Variants in HDHD5 observed in about 807,000 individuals in gnomAD.
HDHD5 encodes haloacid dehalogenase like hydrolase domain containing 5, also known as haloacid dehalogenase-like hydrolase domain-containing 5.
HDHD5 carries 34 observed loss-of-function variants against 35.5 expected under a neutral mutation model. The ratio of observed to expected loss-of-function variants is 0.96; its 90% confidence interval spans 0.73 to 1.28. HDHD5 has a LOEUF of 1.28. Ranked by LOEUF, HDHD5 falls within the 50% of genes most tolerant of loss-of-function variation. HDHD5 has a pLI of 0.00. For missense variants in HDHD5, 589 were observed against 560.2 expected (o/e 1.05, Z -0.52); for synonymous variants, 248 against 240.6 (o/e 1.03, Z -0.29).
At chr22:17,154,067 C>T (rs1019403457) in intron 1 of HDHD5, among the ~76,000 whole-genome samples, 2 of 151,714 alleles carry the variant, frequency 1.3e-5, no homozygotes, top group Admixed American at 6.6e-5. Flanking sequence ...TTAGTCTTGT[C>T]TCAAAGCTGG....
intron 3 of HDHD5, among the ~76,000 whole-genome samples, chr22:17,147,535 T>G (rs1207458920): frequency 7.5e-6 from 1 of 132,524 alleles, no homozygotes; most frequent in African/African-American, 2.9e-5. Flanking sequence ...CCCACACCTG[T>G]GGCACACTCC....
chr22:17,156,164 T>C (rs2061787708), intron 1 of HDHD5, among the ~76,000 whole-genome samples: 1 of 152,196 alleles, frequency 6.6e-6, no homozygotes, highest in South Asian at 2.1e-4. Context: ...TTATCGCAGA[T>C]GACAGTTCCA....
chr22:17,140,212 G>A (rs2061584209), intron 6 of HDHD5, among the ~76,000 whole-genome samples: 1 of 152,224 alleles, frequency 6.6e-6, no homozygotes, highest in Non-Finnish European at 1.5e-5. Flanking sequence ...GACTGGCCAT[G>A]CAGATAACAG....
At chr22:17,143,324 A>T in intron 4 of HDHD5, 193 bp from the exon 5 acceptor site, 1 of 540,704 alleles carries the variant, frequency 1.8e-6, no homozygotes, top group Non-Finnish European at 3.2e-6. Context: ...GACAATGGCC[A>T]GGTGGGGCCA....
intron 1 of HDHD5, among the ~76,000 whole-genome samples, chr22:17,157,536 ATTC>A (rs2061812674): frequency 6.6e-6 from 1 of 152,168 alleles, no homozygotes; most frequent in Admixed American, 6.5e-5. Context: ...GTCATCCTGC[ATTC>A]TTCTTTTTCT....
intron 1 of HDHD5, among the ~76,000 whole-genome samples, chr22:17,155,519 A>T (rs1374547259): frequency 6.6e-6 from 1 of 152,136 alleles, no homozygotes; most frequent in Non-Finnish European, 1.5e-5. Context: ...TGCTGGGATT[A>T]CAGGCATGAC....
At chr22:17,157,271 C>CTTTTCTTT (rs1555881573) in intron 1 of HDHD5, among the ~76,000 whole-genome samples, 10 of 136,702 alleles carry the variant, frequency 7.3e-5, no homozygotes, top group South Asian at 2.4e-4. Context: ...GGTTAATTTT[C>CTTTTCTTT]TTTTTTTTTT....
intron 1 of HDHD5, among the ~76,000 whole-genome samples, chr22:17,156,814 T>G (rs2061797996): frequency 7.0e-6 from 1 of 142,782 alleles, no homozygotes; most frequent in Non-Finnish European, 1.5e-5. Context: ...GCACGGTGGC[T>G]CATGCTTCTA....
chr22:17,162,892 A>G (rs1393187606), upstream of HDHD5, among the ~76,000 whole-genome samples: 1 of 152,208 alleles, frequency 6.6e-6, no homozygotes, highest in African/African-American at 2.4e-5. Flanking sequence ...AATAAACACT[A>G]ACAAACTCAG....
At chr22:17,157,041 GCACTC>G (rs1292278238) in intron 1 of HDHD5, among the ~76,000 whole-genome samples, 5 of 144,794 alleles carry the variant, frequency 3.5e-5, no homozygotes, top group African/African-American at 1.3e-4. Context: ...TGGCGCCACT[GCACTC>G]CAGCCCGGGC....
chr22:17,163,749 G>C (rs558837653), upstream of HDHD5, among the ~76,000 whole-genome samples: 39 of 152,342 alleles, frequency 2.6e-4, no homozygotes, highest in African/African-American at 9.1e-4. Context: ...AGGTGAGCCA[G>C]TTCTTTTCAG....
chr22:17,137,948 A>G lies in HDHD5; in HGVS notation c.*73T>C, dbSNP rs2061551767. On this transcript the variant is annotated 3_prime_UTR_variant, in exon 8 of 8. Transcript: ENST00000336737. ...ACCAAGCCCTGACCTGAGCCCAGTG[A>G]TCAGGCCAGAGCCCAGCCAATGGGA... The G allele has an allele frequency of 7.7e-7, 1 of 1,305,816 alleles. No homozygotes were observed. The highest frequency in any genetic ancestry group is 1.5e-5 in the African/African-American group (1 of 67,544). The allele number at this position is 1,305,816 out of a possible 1,614,324, so 80.9% of individuals were successfully genotyped here.
Position 17,141,079 on chromosome 22 carries a change from C to A in HDHD5, c.726G>T (p.Met242Ile). ...CTCACCTGGGCATCTTGGCTTCAGC[C>A]ATCCACAGGAGATCCATGTTGCTGG... ...VLASNMDLLW[M>I]AEAKMPRFGH... is the part of the protein sequence containing the mutation. The change falls in exon 6 of 8, where the codon ATG becomes ATT. Residue 242 changes from methionine (M) to isoleucine (I), a missense_variant. Physicochemically the swap from Met to Ile is conservative, Grantham distance 10 (BLOSUM62 1). Transcript: ENST00000336737. 6.3e-7 allele frequency: 1 copy of A among 1,587,184 alleles called. No individual in the cohort carries two copies. Among genetic ancestry groups the A allele is most frequent in the Admixed American group, 1.8e-5 (1 of 55,760 alleles).
chr22:17,159,252 C>T lies in HDHD5; in HGVS notation c.-1G>A, dbSNP rs545562028. The T allele has an allele frequency of 7.1e-6, 9 of 1,268,488 alleles. No individual in the cohort carries two copies. The highest frequency in any genetic ancestry group is 3.0e-4 in the Middle Eastern group (1 of 3,294). The allele number at this position is 1,268,488 out of a possible 1,614,324, so 78.6% of individuals were successfully genotyped here. A position where few individuals can be genotyped will look rare whatever the true frequency, so the allele number is the denominator to read the frequency against. On this transcript the variant is annotated 5_prime_UTR_variant, in exon 1 of 8. Transcript: ENST00000336737. ...CAGCCACACAGCCCCACGCAGCCATCCGGCCGTCGCCGTGCGCACGTGCAC... is the reference window on the plus strand; with the variant it reads ...CAGCCACACAGCCCCACGCAGCCATTCGGCCGTCGCCGTGCGCACGTGCAC...
In HDHD5 at chr22:17,138,728, C is replaced by T. The variant is rs2061564988; in HGVS notation, c.757G>A (p.Gly253Ser). 6.2e-7 allele frequency: 1 copy of T among 1,614,184 alleles called. No homozygotes were observed. Among genetic ancestry groups the T allele is most frequent in the Non-Finnish European group, 8.5e-7 (1 of 1,180,028 alleles). The change falls in exon 7 of 8, where the codon GGC (glycine) becomes AGC (serine). Residue 253 changes from glycine to serine, a missense_variant. Physicochemically the swap from Gly to Ser is moderately conservative, Grantham distance 56 (BLOSUM62 0). Coordinates refer to ENST00000336737, the MANE Select transcript of HDHD5 (RefSeq NM_033070.3). ...AEAKMPRFGH[G>S]TFLLCLETIY... ...GTTTCCAGGCACAGCAGAAAGGTGC[C>T]ATGTCCAAACCTGCCAGAAACGAGC...
At chr22:17,157,844 C>T (rs1218743811) in intron 1 of HDHD5, among the ~76,000 whole-genome samples, 1 of 152,152 alleles carries the variant, frequency 6.6e-6, no homozygotes, top group African/African-American at 2.4e-5. Flanking sequence ...GTTCCAGATT[C>T]TGCCACTTAC....
intron 5 of HDHD5, 173 bp from the exon 6 acceptor site, chr22:17,141,406 G>A: frequency 1.5e-6 from 2 of 1,372,722 alleles, no homozygotes; most frequent in Non-Finnish European, 1.9e-6. Context: ...TCCACCCTGG[G>A]TGCACAAGGC....
rs1342726138 is a variant in HDHD5, at chr22:17,145,008, C to G, written c.537+16G>C. 6.2e-7 allele frequency: 1 copy of G among 1,613,590 alleles called. No individual in the cohort carries two copies. The highest frequency in any genetic ancestry group is 8.5e-7 in the Non-Finnish European group (1 of 1,179,842). ...GTGAAGGATGAAGACACAGCCCAAC[C>G]CATGCTCCTTATTACCGTGGTCTTT... On this transcript the variant is annotated intron_variant, in intron 4 of 7. Transcript: ENST00000336737.
upstream of HDHD5, among the ~76,000 whole-genome samples, chr22:17,161,930 G>T (rs1387550924): frequency 6.6e-6 from 1 of 151,304 alleles, no homozygotes. Flanking sequence ...CCCTCCCATT[G>T]AGTGTGGGCT....
Sources: allele counts gnomAD v4.1 joint callset (sites outside exome capture counted in the v4.1 genomes callset), GRCh38; gene constraint gnomAD v4.1.1; transcripts MANE v1.5; gene names NCBI Gene and HGNC (gene_info 2026-07-23, HGNC 2026-07-21).